TAF5L: variants seen among roughly 807,000 people sequenced by gnomAD.
TAF5L encodes TAF5-like RNA polymerase II p300/CBP-associated factor-associated factor 65 kDa subunit 5L.
A neutral mutation model predicts 51.3 loss-of-function variants in TAF5L; 7 were observed. The ratio of observed to expected loss-of-function variants is 0.14; its 90% CI spans 0.08 to 0.26. The LOEUF is 0.26. Among genes scored for constraint, TAF5L ranks in the 10% least tolerant of loss-of-function variants. The pLI is 1.00. For missense variants in TAF5L, 575 were observed against 758.9 expected (o/e 0.76, Z 2.85); for synonymous variants, 291 against 308.1 (o/e 0.94, Z 0.58).
Position 229,594,194 on chromosome 1 carries a change from G to A in TAF5L, c.*103C>T. 1 of 1,302,018 alleles carries A rather than the reference G, an allele frequency of 7.7e-7. No homozygotes were observed. The highest frequency in any genetic ancestry group is 1.0e-6 in the Non-Finnish European group (1 of 952,790). The allele number at this position is 1,302,018 out of a possible 1,614,324, so 80.7% of individuals were successfully genotyped here. A position where few individuals can be genotyped will look rare whatever the true frequency, so the allele number is the denominator to read the frequency against. On this transcript the variant is annotated 3_prime_UTR_variant, in exon 5 of 5. Coordinates refer to ENST00000258281, the Ensembl canonical transcript of TAF5L. This position sits in a 1 kb window ranked among gnomAD's most constrained non-coding sequence, Gnocchi z 7.9. Reference sequence around the variant, plus strand: ...AATGAGGGCCCAGGAGAGAGGGGAGGAGGGGGCTCTTTCACAGTCAATGAT... The same window carrying A: ...AATGAGGGCCCAGGAGAGAGGGGAGAAGGGGGCTCTTTCACAGTCAATGAT...
chr1:229,618,374 T>C lies in TAF5L; in HGVS notation c.-3-3889A>G, dbSNP rs536776363. On this transcript the variant is annotated intron_variant, in intron 1 of 4. Coordinates refer to ENST00000258281, the Ensembl canonical transcript of TAF5L. ...GATGTCAAATACTCTGCTCTTCATA[T>C]CACATTATTGATATTTCTGGAAATC... Among the ~76,000 whole-genome samples the C allele has an allele frequency of 3.3e-5, 5 of 152,352 alleles. No individual in the cohort carries two copies. The East Asian group carries it at 9.6e-4, about 29-fold the overall frequency.
Position 229,594,463 on chromosome 1 carries a change from C to T in TAF5L, c.1604G>A (p.Arg535His), listed in dbSNP as rs867794456. 6.8e-6 allele frequency: 11 copies of T among 1,614,138 alleles called. No individual in the cohort carries two copies. The highest frequency in any genetic ancestry group is 9.3e-6 in the Non-Finnish European group (11 of 1,180,034). The stretch of plus-strand genomic sequence containing the variant: ...GTAAGTGTTCCTGATGTCCCAGACG[C>T]GCACCGAGTTGTCCATGGAGGCAGA... The change falls in exon 5 of 5, where the codon CGC becomes CAC. Residue 535 changes from arginine (R) to histidine (H), a missense_variant. Around this residue, in one of 3 missense-constraint regions of TAF5L, gnomAD observed 91 missense variants for 96.9 expected, o/e 0.94. Transcript: ENST00000258281. This position sits in a 1 kb window ranked among gnomAD's most constrained non-coding sequence, Gnocchi z 7.9.
chr1:229,622,082 TATAG>T lies in TAF5L; in HGVS notation c.-4+3799_-4+3802del, dbSNP rs540600492. On this transcript the variant is annotated intron_variant, in intron 1 of 4. Coordinates refer to ENST00000258281, the Ensembl canonical transcript of TAF5L. Reference sequence around the variant, plus strand: ...CTATCTATCTATACAGATAGATATATATAGATATACAGATATGTGTGTGTATATA... The same window carrying T: ...CTATCTATCTATACAGATAGATATATATATACAGATATGTGTGTGTATATA... 3.2e-4 allele frequency among the ~76,000 whole-genome samples: 48 copies of T among 152,266 alleles called. No homozygotes were observed. In the South Asian group the frequency reaches 9.1e-3, roughly 29 times the overall value.
At position 229,602,433 on chromosome 1, in the gene TAF5L, C is replaced by T. The variant is rs778178122; in HGVS notation, c.734G>A (p.Ser245Asn). ...AGGCCCATCCTTGACTCGCTTAATG[C>T]TCTCCTGTAAGACCTCTAGGGCAGC... Residue 245 changes from serine (S) to asparagine (N), a missense_variant, in exon 4 of 5, where the codon AGC becomes AAC. Ser to Asn is a conservative substitution (Grantham distance 46). Around this residue, in one of 3 missense-constraint regions of TAF5L, gnomAD observed 380 missense variants for 443.7 expected, o/e 0.86. Coordinates refer to ENST00000258281, the Ensembl canonical transcript of TAF5L. The surrounding 1 kb of genome is among the most constrained non-coding windows in gnomAD (Gnocchi z 4.6). The T allele has an allele frequency of 4.3e-6, 7 of 1,613,996 alleles. No individual in the cohort carries two copies. The highest frequency in any genetic ancestry group is 1.3e-5 in the African/African-American group (1 of 74,904).
In TAF5L at chr1:229,610,096, G is replaced by A; in HGVS notation, c.247+10C>T. 4 of 1,612,552 alleles carry A rather than the reference G, an allele frequency of 2.5e-6. No individual in the cohort carries two copies. The highest frequency in any genetic ancestry group is 3.4e-6 in the Non-Finnish European group (4 of 1,178,626). On this transcript the variant is annotated intron_variant, in intron 3 of 4. Coordinates refer to ENST00000258281, the Ensembl canonical transcript of TAF5L. ...CTTAAAAAGAAAAGGTTCTAGAGCT[G>A]AGTACTTACCAGTGAGAAAATTCCG...
intron 1 of TAF5L, among the ~76,000 whole-genome samples, chr1:229,622,207 ATT>A (rs957667790): frequency 6.6e-6 from 1 of 151,584 alleles, no homozygotes; most frequent in African/African-American, 2.4e-5. Context: ...AATCTTTCCT[ATT>A]TTTTTGTTTC....
intron 1 of TAF5L, among the ~76,000 whole-genome samples, chr1:229,618,704 T>C (rs1249384924): frequency 3.3e-5 from 5 of 152,134 alleles, no homozygotes; most frequent in African/African-American, 4.8e-5. Context: ...TGTGGAACTC[T>C]AGTCTGGTCA....
intron 1 of TAF5L, among the ~76,000 whole-genome samples, chr1:229,624,190 A>G (rs946680434): frequency 2.6e-5 from 4 of 152,224 alleles, no homozygotes; most frequent in African/African-American, 9.6e-5. Context: ...TAGTTAAGTG[A>G]GGCCTTTACC....
At chr1:229,613,390 T>C (rs970150978) in intron 2 of TAF5L, among the ~76,000 whole-genome samples, 2 of 151,346 alleles carry the variant, frequency 1.3e-5, no homozygotes, top group African/African-American at 4.9e-5. Flanking sequence ...AAAGTCATAT[T>C]ACATAAAAAC....
chr1:229,613,965 G>A (rs528588418), intron 2 of TAF5L, among the ~76,000 whole-genome samples: 1 of 152,224 alleles, frequency 6.6e-6, no homozygotes, highest in Non-Finnish European at 1.5e-5. Flanking sequence ...CTCCATGCTG[G>A]AGGAGAGGGG....
intron 1 of TAF5L, among the ~76,000 whole-genome samples, chr1:229,623,541 GCCATGTCTT>G (rs1383038945): frequency 6.6e-6 from 1 of 152,160 alleles, no homozygotes; most frequent in Non-Finnish European, 1.5e-5. Flanking sequence ...GCTCAGCTTA[GCCATGTCTT>G]CCTCCCAAAA....
intron 2 of TAF5L, among the ~76,000 whole-genome samples, chr1:229,613,653 G>A (rs1338462485): frequency 1.3e-5 from 2 of 152,202 alleles, no homozygotes; most frequent in Non-Finnish European, 2.9e-5. Flanking sequence ...GTCTGTAGAT[G>A]TAACCTGCTA....
At chr1:229,624,582 T>C (rs915222821) in intron 1 of TAF5L, among the ~76,000 whole-genome samples, 1 of 148,176 alleles carries the variant, frequency 6.7e-6, no homozygotes, top group African/African-American at 2.5e-5. Flanking sequence ...CTGGGCAACA[T>C]AGAGGCACCC....
At chr1:229,623,514 C>A (rs1375762878) in intron 1 of TAF5L, among the ~76,000 whole-genome samples, 2 of 152,184 alleles carry the variant, frequency 1.3e-5, no homozygotes, top group East Asian at 3.9e-4. Context: ...TTGGCTAAAT[C>A]CCACCCGCAC....
chr1:229,609,699 C>A (rs1260816546), intron 3 of TAF5L, among the ~76,000 whole-genome samples: 1 of 152,198 alleles, frequency 6.6e-6, no homozygotes, highest in Non-Finnish European at 1.5e-5. Flanking sequence ...ATGTCATGTA[C>A]ATTTCAAATG....
In TAF5L at chr1:229,594,307, T is replaced by C; in HGVS notation, c.1760A>G (p.Gln587Arg). The change falls in exon 5 of 5, where the codon CAG becomes CGG. Residue 587 changes from glutamine to arginine, a missense_variant. Transcript: ENST00000258281. The surrounding 1 kb of genome is among the most constrained non-coding windows in gnomAD (Gnocchi z 7.9). ...AACAAAGTTAAAAAATTAATGTTCC[T>C]GATTTTCTTGTGTAATTCCAGTCAC... 2 of 1,605,188 alleles carry C rather than the reference T, an allele frequency of 1.2e-6. No homozygotes were observed. The highest frequency in any genetic ancestry group is 1.1e-5 in the South Asian group (1 of 90,768).
At chr1:229,621,047 T>C (rs1394204125) in intron 1 of TAF5L, among the ~76,000 whole-genome samples, 4 of 152,210 alleles carry the variant, frequency 2.6e-5, no homozygotes, top group Admixed American at 6.5e-5. Flanking sequence ...AGAGGACTTT[T>C]GGCAAACGAC....
At chr1:229,622,550 T>C (rs1489583039) in intron 1 of TAF5L, among the ~76,000 whole-genome samples, 1 of 152,170 alleles carries the variant, frequency 6.6e-6, no homozygotes, top group African/African-American at 2.4e-5. Context: ...CACGGGCAGA[T>C]AGGGAACTGC....
chr1:229,622,463 T>C (rs903422327), intron 1 of TAF5L, among the ~76,000 whole-genome samples: 1 of 152,212 alleles, frequency 6.6e-6, no homozygotes, highest in African/African-American at 2.4e-5. Context: ...GGTTTCTTCA[T>C]GCTTTCTGTA....
Sources: allele counts gnomAD v4.1 joint callset (sites outside exome capture counted in the v4.1 genomes callset), GRCh38; gene constraint gnomAD v4.1.1; regional missense constraint gnomAD v4.1.1; non-coding constraint Gnocchi (gnomAD v3.1); transcripts MANE v1.5; gene names NCBI Gene and HGNC (gene_info 2026-07-23, HGNC 2026-07-21).